CDKAL1: variants seen among roughly 807,000 people sequenced by gnomAD.
CDKAL1 encodes threonylcarbamoyladenosine tRNA methylthiotransferase.
CDKAL1 carries 32 observed loss-of-function variants against 68.2 expected under a neutral mutation model. The observed-to-expected ratio is 0.47, with a 90% CI of 0.35 to 0.63. The LOEUF (loss-of-function observed/expected upper bound fraction) is 0.63. CDKAL1 is among the 30% of genes least tolerant of loss of function. The pLI, the probability that CDKAL1 is intolerant of heterozygous loss-of-function variation, is 0.00. For missense variants in CDKAL1, 606 were observed against 696.7 expected, an observed-to-expected ratio of 0.87 and a Z score of 1.47; for synonymous variants, 234 against 244.3, an observed-to-expected ratio of 0.96 and a Z score of 0.39.
chr6:20,632,244 G>C (rs1012548552), intron 4 of CDKAL1, among the ~76,000 whole-genome samples: 1 of 152,178 alleles, frequency 6.6e-6, no homozygotes, highest in African/African-American at 2.4e-5. Context: ...ACAGTCCACT[G>C]TAGATTATTA....
chr6:20,613,245 CTTTCTTTTTTTTTTTTTTTTTTT>C (rs1338657542), intron 4 of CDKAL1, among the ~76,000 whole-genome samples: 36 of 67,380 alleles, frequency 5.3e-4, no homozygotes, highest in Non-Finnish European at 1.0e-3. Context: ...CACAAAATTT[CTTTCTTTTTTTTTTTTTTTTTTT>C]TTTTTTTTTT....
rs1434566362 is a variant in CDKAL1, at chr6:20,561,395, T to C, written c.286+12690T>C. On this transcript the variant is annotated intron_variant, in intron 4 of 15. Coordinates refer to ENST00000274695, the MANE Select transcript of CDKAL1 (RefSeq NM_017774.3). Reference sequence around the variant, plus strand: ...AAGTGGAGATTGCAGTGAGCTGAGATCACAACACTGCACTCCAGCCTGGGC... The same window carrying C: ...AAGTGGAGATTGCAGTGAGCTGAGACCACAACACTGCACTCCAGCCTGGGC... 3.3e-5 allele frequency among the ~76,000 whole-genome samples: 4 copies of C among 121,790 alleles called. No homozygotes were observed. In the East Asian group the frequency reaches 7.6e-4, roughly 23 times the overall value. The allele number at this position is 121,790 out of a possible 152,430, so 79.9% of individuals were successfully genotyped here.
intron 11 of CDKAL1, among the ~76,000 whole-genome samples, chr6:21,002,328 C>T (rs1767469617): frequency 6.6e-6 from 1 of 152,096 alleles, no homozygotes; most frequent in South Asian, 2.1e-4. Context: ...TCTAGTATTT[C>T]TAGCAATGAA....
intron 11 of CDKAL1, among the ~76,000 whole-genome samples, chr6:21,054,558 C>CA (rs1770726972): frequency 6.6e-6 from 1 of 152,132 alleles, no homozygotes; most frequent in African/African-American, 2.4e-5. Flanking sequence ...GCCATCTTAA[C>CA]AATGCTAAAT....
At chr6:20,646,893 G>A (rs769488487) in intron 4 of CDKAL1, among the ~76,000 whole-genome samples, 24 of 152,068 alleles carry the variant, frequency 1.6e-4, no homozygotes, top group African/African-American at 5.1e-4. Context: ...ACAGGTGCCC[G>A]CCCCCACGCC....
At chr6:20,584,156 A>G (rs1765249324) in intron 4 of CDKAL1, among the ~76,000 whole-genome samples, 2 of 150,460 alleles carry the variant, frequency 1.3e-5, no homozygotes, top group African/African-American at 4.9e-5. Context: ...TTATATGTTT[A>G]GTTCCTAATC....
chr6:20,665,676 A>ATAACTT (rs59036478), intron 5 of CDKAL1, among the ~76,000 whole-genome samples: 59,965 of 151,700 alleles, frequency 0.4, 12,973 homozygotes, highest in African/African-American at 0.58. Context: ...CTTGGAAACT[A>ATAACTT]TAATTGAAAC....
At chr6:21,007,321 T>A (rs745934161) in intron 11 of CDKAL1, among the ~76,000 whole-genome samples, 1 of 151,500 alleles carries the variant, frequency 6.6e-6, no homozygotes, top group Non-Finnish European at 1.5e-5. Flanking sequence ...TCGCAGCTAC[T>A]TGGGAGGCTG....
intron 10 of CDKAL1, among the ~76,000 whole-genome samples, chr6:20,984,825 G>T (rs962722276): frequency 1.1e-4 from 15 of 141,366 alleles, no homozygotes; most frequent in African/African-American, 4.0e-4. Flanking sequence ...GGGGGGTGGG[G>T]AAGGCTATGG....
At chr6:20,820,902 ACAG>A (rs1777250679) in intron 8 of CDKAL1, among the ~76,000 whole-genome samples, 3 of 152,080 alleles carry the variant, frequency 2.0e-5, no homozygotes, top group African/African-American at 4.8e-5. Flanking sequence ...CAGATAGTGA[ACAG>A]TGTAATGAGG....
At chr6:20,934,781 A>G (rs7768647) in intron 9 of CDKAL1, among the ~76,000 whole-genome samples, 137,139 of 152,150 alleles carry the variant, frequency 0.9, 61,915 homozygotes, top group East Asian at 1. Context: ...GGGAGGTCAA[A>G]GCTCTGCAGT....
intron 13 of CDKAL1, among the ~76,000 whole-genome samples, chr6:21,184,731 G>C (rs992304992): frequency 2.6e-5 from 4 of 151,864 alleles, no homozygotes; most frequent in Non-Finnish European, 5.9e-5. Context: ...GCTCACTGGT[G>C]CCTTGACCTC....
intron 15 of CDKAL1, among the ~76,000 whole-genome samples, chr6:21,211,963 G>A (rs1289742141): frequency 2.0e-5 from 3 of 151,896 alleles, no homozygotes; most frequent in Non-Finnish European, 4.4e-5. Flanking sequence ...GTCTCATTAT[G>A]TTACCCAGGC....
At chr6:20,536,740 C>T (rs1936339864) in intron 2 of CDKAL1, among the ~76,000 whole-genome samples, 1 of 152,116 alleles carries the variant, frequency 6.6e-6, no homozygotes, top group Non-Finnish European at 1.5e-5. Flanking sequence ...CCTGTAATCC[C>T]ATACTTTAGG....
At chr6:20,874,167 C>G (rs1428103235) in intron 9 of CDKAL1, among the ~76,000 whole-genome samples, 1 of 152,090 alleles carries the variant, frequency 6.6e-6, no homozygotes. Flanking sequence ...CTTTGGTGCC[C>G]TCAACCATGG....
At chr6:20,834,428 C>G (rs996231430) in intron 8 of CDKAL1, among the ~76,000 whole-genome samples, 2 of 152,154 alleles carry the variant, frequency 1.3e-5, no homozygotes, top group African/African-American at 4.8e-5. Context: ...AATCTCATCT[C>G]CTATGGAATT....
chr6:20,577,195 C>G (rs1418367966), intron 4 of CDKAL1, among the ~76,000 whole-genome samples: 1 of 152,124 alleles, frequency 6.6e-6, no homozygotes, highest in Non-Finnish European at 1.5e-5. Flanking sequence ...TAGGTACTAC[C>G]TGGTGGCAGT....
intron 14 of CDKAL1, among the ~76,000 whole-genome samples, chr6:21,200,649 T>C (rs1778650506): frequency 6.6e-6 from 1 of 152,216 alleles, no homozygotes; most frequent in African/African-American, 2.4e-5. Flanking sequence ...CAAAGGCCTG[T>C]CCAGAAGTGG....
chr6:20,699,535 C>A (rs565654177), intron 5 of CDKAL1, among the ~76,000 whole-genome samples: 2 of 152,208 alleles, frequency 1.3e-5, no homozygotes, highest in Non-Finnish European at 1.5e-5. Context: ...AGGTTTTGAA[C>A]TACCTGCTTG....
Sources: allele counts gnomAD v4.1 joint callset (sites outside exome capture counted in the v4.1 genomes callset), GRCh38; gene constraint gnomAD v4.1.1; transcripts MANE v1.5; gene names NCBI Gene and HGNC (gene_info 2026-07-23, HGNC 2026-07-21).